Variants in CR1 observed in about 807,000 individuals in gnomAD.
CR1 encodes the protein complement C3b/C4b receptor 1 (Knops blood group), also known as complement receptor type 1.
CR1 carries 116 observed loss-of-function variants against 187.3 expected under a neutral mutation model. That is an observed-to-expected ratio of 0.62 (90% CI 0.53 to 0.72). The LOEUF (loss-of-function observed/expected upper bound fraction) is 0.72, where lower values mean the gene tolerates loss of function less well. Among genes scored for constraint, CR1 ranks in the 30% least tolerant of loss-of-function variants. CR1 has a pLI of 0.00. For synonymous variants in CR1, 576 were observed against 747.1 expected (o/e 0.77, Z 3.73); for missense variants, 1,731 against 2,110.7 (o/e 0.82, Z 3.52).
intron 31 of CR1, among the ~76,000 whole-genome samples, chr1:207,581,279 C>A (rs950253302): frequency 2.2e-5 from 3 of 137,760 alleles, no homozygotes; most frequent in Non-Finnish European, 3.2e-5. Context: ...CATATGGACA[C>A]GTATATGTAT....
At chr1:207,632,878 T>A (rs1410931652) in intron 46 of CR1, among the ~76,000 whole-genome samples, 1 of 150,358 alleles carries the variant, frequency 6.7e-6, no homozygotes, top group Non-Finnish European at 1.5e-5. Context: ...AGACTATGTC[T>A]CCAAAGTTCT....
chr1:207,617,507 A>ATATATATATATATGTGTGTGTG (rs1332301171), intron 41 of CR1, among the ~76,000 whole-genome samples: 2 of 47,010 alleles, frequency 4.3e-5, no homozygotes, highest in Non-Finnish European at 9.7e-5. Context: ...ATATATATAT[A>ATATATATATATATGTGTGTGTG]TGTGTGTGTG....
intron 1 of CR1, among the ~76,000 whole-genome samples, chr1:207,498,029 G>A (rs1362582519): frequency 1.3e-5 from 2 of 152,178 alleles, no homozygotes; most frequent in African/African-American, 4.8e-5. Context: ...GGAAGCCAGC[G>A]TTCTGCTTTT....
At chr1:207,517,183 C>T (rs1302415874) in intron 4 of CR1, among the ~76,000 whole-genome samples, 1 of 152,006 alleles carries the variant, frequency 6.6e-6, no homozygotes, top group Non-Finnish European at 1.5e-5. Context: ...TAATATATTA[C>T]ATTGATTGAT....
intron 19 of CR1, among the ~76,000 whole-genome samples, chr1:207,556,648 C>CATATATATGTAT (rs1553291419): frequency 2.1e-4 from 8 of 38,214 alleles, no homozygotes; most frequent in African/African-American, 4.4e-4. Flanking sequence ...TGATCTATAT[C>CATATATATGTAT]ATATATATAT....
chr1:207,584,549 G>T, intron 32 of CR1, 100 bp from the exon 33 acceptor site: 3 of 1,397,988 alleles, frequency 2.1e-6, no homozygotes, highest in South Asian at 1.5e-5. Flanking sequence ...AGAAAAGTAC[G>T]CTTAATTGGC....
chr1:207,590,358 C>A (rs1661235537), intron 35 of CR1, among the ~76,000 whole-genome samples: 1 of 152,170 alleles, frequency 6.6e-6, no homozygotes, highest in Non-Finnish European at 1.5e-5. Context: ...TCTAGCCAAA[C>A]TAAGCTTCAT....
chr1:207,508,494 A>G (rs991155517), intron 3 of CR1, among the ~76,000 whole-genome samples: 4 of 152,388 alleles, frequency 2.6e-5, no homozygotes, highest in Admixed American at 6.5e-5. Context: ...CTGCATAGAC[A>G]TAAATACATG....
intron 4 of CR1, among the ~76,000 whole-genome samples, chr1:207,522,039 G>A (rs1378715386): frequency 6.6e-6 from 1 of 151,916 alleles, no homozygotes; most frequent in African/African-American, 2.4e-5. Flanking sequence ...TAGTTCTAAT[G>A]GGTCAGTTTC....
chr1:207,591,768 C>T (rs1661280557), intron 35 of CR1, among the ~76,000 whole-genome samples: 1 of 152,036 alleles, frequency 6.6e-6, no homozygotes, highest in Non-Finnish European at 1.5e-5. Flanking sequence ...GGGATATCAC[C>T]ACTGATCCCA....
chr1:207,632,500 A>G (rs1662673890), intron 46 of CR1, among the ~76,000 whole-genome samples: 1 of 152,238 alleles, frequency 6.6e-6, no homozygotes, highest in Admixed American at 6.5e-5. Context: ...TTAAGATAAA[A>G]TAAGACGGCT....
chr1:207,627,153 A>C (rs761072867), intron 45 of CR1, among the ~76,000 whole-genome samples: 2 of 152,194 alleles, frequency 1.3e-5, no homozygotes, highest in Non-Finnish European at 2.9e-5. Flanking sequence ...AATGCTCCTC[A>C]AGGAGGTCTA....
intron 4 of CR1, among the ~76,000 whole-genome samples, chr1:207,522,326 C>A (rs748755341): frequency 5.3e-5 from 8 of 152,206 alleles, no homozygotes; most frequent in Non-Finnish European, 1.0e-4. Flanking sequence ...TCTGAGACAG[C>A]AAATTTATTT....
chr1:207,608,123 A>T (rs528695754), intron 36 of CR1, among the ~76,000 whole-genome samples: 7 of 152,354 alleles, frequency 4.6e-5, no homozygotes, highest in Non-Finnish European at 1.0e-4. Context: ...TCAATGCAAT[A>T]ATATTTGTGA....
chr1:207,511,690 A>G (rs759557114), intron 4 of CR1, 36 bp downstream of exon 4: 5 of 1,581,280 alleles, frequency 3.2e-6, no homozygotes, highest in Non-Finnish European at 3.5e-6. Flanking sequence ...TCTTTTACCG[A>G]CACATTCTAA....
chr1:207,521,624 C>CTTTTTTTTTT (rs139203101), intron 4 of CR1, among the ~76,000 whole-genome samples: 1 of 88,306 alleles, frequency 1.1e-5, no homozygotes, highest in Non-Finnish European at 2.1e-5. Context: ...TGCCCTCTTC[C>CTTTTTTTTTT]TTTTTTTTTT....
chr1:207,621,055 C>A (rs1225407171), intron 43 of CR1, among the ~76,000 whole-genome samples: 1 of 152,122 alleles, frequency 6.6e-6, no homozygotes, highest in African/African-American at 2.4e-5. Flanking sequence ...GGATGGATCA[C>A]CTGAGGTCAG....
intron 1 of CR1, among the ~76,000 whole-genome samples, chr1:207,502,194 A>T (rs978629165): frequency 8.5e-5 from 13 of 152,236 alleles, no homozygotes; most frequent in Admixed American, 6.5e-5. Flanking sequence ...TTGCCTTTAA[A>T]TTATGCATAT....
chr1:207,602,704 G>A (rs1029523210), intron 35 of CR1, among the ~76,000 whole-genome samples: 8 of 152,066 alleles, frequency 5.3e-5, no homozygotes, highest in South Asian at 2.1e-4. Context: ...TATAGATATA[G>A]ATAGAGAGAG....
Sources: allele counts gnomAD v4.1 joint callset (sites outside exome capture counted in the v4.1 genomes callset), GRCh38; gene constraint gnomAD v4.1.1; transcripts MANE v1.5; gene names NCBI Gene and HGNC (gene_info 2026-07-23, HGNC 2026-07-21).